LMOD3: variants seen among roughly 807,000 people sequenced by gnomAD.
LMOD3 encodes the protein leiomodin-3.
In LMOD3, 31 loss-of-function variants were observed where a neutral mutation model predicts 41.8. The ratio of observed to expected loss-of-function variants is 0.74; its 90% CI spans 0.56 to 1.00. The LOEUF is 1.00. LMOD3 is among the 50% of genes least tolerant of loss of function. The pLI is 0.00. For missense variants in LMOD3, 755 were observed against 679.5 expected (o/e 1.11, Z -1.23); for synonymous variants, 292 against 241.9 (o/e 1.21, Z -1.92).
chr3:69,116,662 G>T (rs1330107658), intron 2 of LMOD3, among the ~76,000 whole-genome samples: 2 of 152,148 alleles, frequency 1.3e-5, no homozygotes, highest in South Asian at 4.1e-4. Context: ...TGAGTAAAAG[G>T]CAGAGGGGTG....
At chr3:69,110,853 A>AAAAAAAAAAAAAAAAATATATATATATAT (rs1458630453) in intron 2 of LMOD3, among the ~76,000 whole-genome samples, 1 of 104,124 alleles carries the variant, frequency 9.6e-6, no homozygotes, top group African/African-American at 4.8e-5. Context: ...AAAAAAAAAA[A>AAAAAAAAAAAAAAAAATATATATATATAT]ATATATATAT....
At chr3:69,111,092 A>G (rs919427355) in intron 2 of LMOD3, among the ~76,000 whole-genome samples, 6 of 152,030 alleles carry the variant, frequency 3.9e-5, no homozygotes, top group African/African-American at 1.4e-4. Context: ...CAGTGTCCCC[A>G]GGGCATTTGT....
At chr3:69,112,595 A>G (rs1188605382) in intron 2 of LMOD3, among the ~76,000 whole-genome samples, 1 of 152,222 alleles carries the variant, frequency 6.6e-6, no homozygotes, top group Non-Finnish European at 1.5e-5. Context: ...ATTCTAACAG[A>G]GATAGAAGAA....
At chr3:69,110,592 C>T (rs934226989) in intron 2 of LMOD3, among the ~76,000 whole-genome samples, 1 of 149,150 alleles carries the variant, frequency 6.7e-6, no homozygotes, top group African/African-American at 2.5e-5. Flanking sequence ...CCTGTAATTC[C>T]AGCACTTTGG....
chr3:69,109,215 A>T (rs1171977447), intron 2 of LMOD3, 94 bp from the exon 3 acceptor site: 1 of 1,165,964 alleles, frequency 8.6e-7, no homozygotes, highest in Non-Finnish European at 1.2e-6. Flanking sequence ...GCCTTAAAAG[A>T]TACAGAATAG....
rs1438920018 is a variant in LMOD3, at chr3:69,122,091, A to T, written c.294+2T>A. 6.2e-7 allele frequency: 1 copy of T among 1,608,096 alleles called. No individual in the cohort carries two copies. Among genetic ancestry groups the T allele is most frequent in the Non-Finnish European group, 8.5e-7 (1 of 1,176,556 alleles). On this transcript the variant is annotated splice_donor_variant, in intron 1 of 2. Transcript: ENST00000420581. LOFTEE classifies it high-confidence loss of function. ...CTCGGTTGTACACAAATCTCTGGTT[A>T]CCTCGGATTTCACAAAGGTGACAGG...
chr3:69,117,843 T>C (rs970587277), intron 2 of LMOD3, among the ~76,000 whole-genome samples: 1 of 151,498 alleles, frequency 6.6e-6, no homozygotes, highest in African/African-American at 2.4e-5. Flanking sequence ...GTTTTTTTTT[T>C]TTTTTTTTAG....
Position 69,119,019 on chromosome 3 carries a change from A to G in LMOD3, c.1336T>C (p.Phe446Leu), listed in dbSNP as rs200078125. ...GGCCGAGGTGGCGGTGGCTGGAAGA[A>G]TTCCTGCATTCTGGAATCTGGCTTG... ...GPKPDSRMQE[F>L]FQPPPPRPPN... The change falls in exon 2 of 3, where the codon TTC (phenylalanine) becomes CTC (leucine). Residue 446 changes from phenylalanine (F) to leucine (L), a missense_variant. Physicochemically the swap from Phe to Leu is conservative, Grantham distance 22 (BLOSUM62 0). Coordinates refer to ENST00000420581, the MANE Select transcript of LMOD3 (RefSeq NM_198271.5). The G allele has an allele frequency of 1.3e-4, 217 of 1,613,512 alleles. No individual in the cohort carries two copies. Among genetic ancestry groups the G allele is most frequent in the Non-Finnish European group, 1.7e-4 (202 of 1,179,762 alleles).
chr3:69,112,487 G>GCA (rs2092354413), intron 2 of LMOD3, among the ~76,000 whole-genome samples: 1 of 152,150 alleles, frequency 6.6e-6, no homozygotes, highest in Admixed American at 6.6e-5. Context: ...CTATAAAAGA[G>GCA]GTGTGGACAA....
intron 1 of LMOD3, among the ~76,000 whole-genome samples, chr3:69,121,066 C>T (rs1235274020): frequency 1.3e-5 from 2 of 152,084 alleles, no homozygotes; most frequent in Non-Finnish European, 2.9e-5. Context: ...TCACCTTGAC[C>T]AGAAGGGGGA....
chr3:69,120,759 A>T (rs944217466), intron 1 of LMOD3, among the ~76,000 whole-genome samples: 1 of 152,140 alleles, frequency 6.6e-6, no homozygotes, highest in East Asian at 1.9e-4. Flanking sequence ...TGTGAAAGAA[A>T]GTGCCTAGGA....
chr3:69,122,584 C>G lies in LMOD3; in HGVS notation c.-198G>C. 1.9e-6 allele frequency: 1 copy of G among 529,340 alleles called. No individual in the cohort carries two copies. Among genetic ancestry groups the G allele is most frequent in the Middle Eastern group, 5.1e-4 (1 of 1,972 alleles). 32.8% of individuals were successfully genotyped at this position (529,340 alleles called of 1,614,324 possible). Reference sequence around the variant, plus strand: ...GGAGTGATCACAGCTAAGCTCTTGCCGGATCTATATTAAGCAGGGCTTGGC... The same window carrying G: ...GGAGTGATCACAGCTAAGCTCTTGCGGGATCTATATTAAGCAGGGCTTGGC... On this transcript the variant is annotated 5_prime_UTR_variant, in exon 1 of 3. Coordinates refer to ENST00000420581, the MANE Select transcript of LMOD3 (RefSeq NM_198271.5).
At chr3:69,113,330 T>C (rs1024455410) in intron 2 of LMOD3, among the ~76,000 whole-genome samples, 8 of 152,158 alleles carry the variant, frequency 5.3e-5, no homozygotes, top group African/African-American at 1.7e-4. Flanking sequence ...GGAATTGTTC[T>C]AGATTATGTG....
At position 69,122,583 on chromosome 3, in the gene LMOD3, C is replaced by T. The variant is rs1575884330; in HGVS notation, c.-197G>A. On this transcript the variant is annotated 5_prime_UTR_variant, in exon 1 of 3. Coordinates refer to ENST00000420581, the MANE Select transcript of LMOD3 (RefSeq NM_198271.5). The stretch of plus-strand genomic sequence containing the variant: ...AGGAGTGATCACAGCTAAGCTCTTG[C>T]CGGATCTATATTAAGCAGGGCTTGG... The T allele has an allele frequency of 1.9e-6, 1 of 536,694 alleles. No homozygotes were observed. The highest frequency in any genetic ancestry group is 3.1e-5 in the East Asian group (1 of 32,754). 33.2% of individuals were successfully genotyped at this position (536,694 alleles called of 1,614,324 possible).
chr3:69,119,112 TC>T lies in LMOD3; in HGVS notation c.1242del (p.Lys415SerfsTer2). 2.5e-6 allele frequency: 4 copies of T among 1,613,826 alleles called. No individual in the cohort carries two copies. Among genetic ancestry groups the T allele is most frequent in the Non-Finnish European group, 3.4e-6 (4 of 1,179,870 alleles). On this transcript the variant is annotated frameshift_variant, in exon 2 of 3. Coordinates refer to ENST00000420581, the MANE Select transcript of LMOD3 (RefSeq NM_198271.5). LOFTEE classifies it high-confidence loss of function. ...CCATTCTCTAACATGGCTATCAGCT[TC>T]TTCTGTTCCTTGAGTTGCTGCTGTT... ...EQKQQQLKEQ[K>X]KLIAMLENGL...
intron 2 of LMOD3, among the ~76,000 whole-genome samples, chr3:69,117,824 AT>A: frequency 6.8e-6 from 1 of 147,020 alleles, no homozygotes; most frequent in Admixed American, 6.8e-5. Flanking sequence ...AACTGGCCCA[AT>A]TTGGGTGGTT....
chr3:69,119,218 A>C lies in LMOD3; in HGVS notation c.1137T>G (p.Leu379=). The change falls in exon 2 of 3, where the codon CTT becomes CTG. Residue 379 remains leucine (L), a synonymous_variant. Coordinates refer to ENST00000420581, the MANE Select transcript of LMOD3 (RefSeq NM_198271.5). ...TAGTGACCACCATTCTGGGACCCGGAAGCTCAAAATGGTAGCCCATCTTCA... is the reference window on the plus strand; with the variant it reads ...TAGTGACCACCATTCTGGGACCCGGCAGCTCAAAATGGTAGCCCATCTTCA... The part of the protein sequence containing the change: ...TLLKMGYHFE[L]PGPRMVVTNL... The C allele has an allele frequency of 3.7e-6, 6 of 1,613,946 alleles. No individual in the cohort carries two copies. The highest frequency in any genetic ancestry group is 5.1e-6 in the Non-Finnish European group (6 of 1,179,888).
In LMOD3 at chr3:69,122,238, A is replaced by G; in HGVS notation, c.149T>C (p.Val50Ala). 2 of 1,613,638 alleles carry G rather than the reference A, an allele frequency of 1.2e-6. No individual in the cohort carries two copies. Among genetic ancestry groups the G allele is most frequent in the Non-Finnish European group, 1.7e-6 (2 of 1,179,780 alleles). Residue 50 changes from valine (V) to alanine (A), a missense_variant, in exon 1 of 3, where the codon GTG (valine) becomes GCG (alanine). Coordinates refer to ENST00000420581, the MANE Select transcript of LMOD3 (RefSeq NM_198271.5). The part of the protein sequence containing the change: ...EVMAPDPSLP[V>A]GMIQKDQTDK... The stretch of plus-strand genomic sequence containing the variant: ...AGTTTGATCTTTCTGAATCATTCCC[A>G]CGGGAAGGCTGGGGTCAGGGGCCAT...
Position 69,106,935 on chromosome 3 carries a change from T to G in LMOD3, c.*2160A>C, listed in dbSNP as rs1293324374. 4 of 148,804 alleles carry G rather than the reference T, an allele frequency of 2.7e-5. No homozygotes were observed. Among genetic ancestry groups the G allele is most frequent in the Non-Finnish European group, 4.4e-5 (3 of 67,446 alleles). The allele number at this position is 148,804 out of a possible 1,614,324, so 9.2% of individuals were successfully genotyped here. A position where few individuals can be genotyped will look rare whatever the true frequency, so the allele number is the denominator to read the frequency against. On this transcript the variant is annotated 3_prime_UTR_variant, in exon 3 of 3. Coordinates refer to ENST00000420581, the MANE Select transcript of LMOD3 (RefSeq NM_198271.5). ...GTTGGTCAGGCTGGTCTTGAACTCC[T>G]GACCTCATGTGATTCACCCACCTCG...
Sources: gnomAD v4.1 joint callset for allele counts (sites outside exome capture counted in the v4.1 genomes callset) on GRCh38, gnomAD v4.1.1 for gene constraint, MANE v1.5 for transcripts, NCBI Gene and HGNC (gene_info 2026-07-23, HGNC 2026-07-21) for gene names.